Variants in NLRC5 observed in about 807,000 individuals in gnomAD.
The protein encoded by NLRC5 is protein NLRC5.
NLRC5 carries 114 observed loss-of-function variants against 206.9 expected under a neutral mutation model. The observed-to-expected ratio is 0.55, with a 90% CI of 0.47 to 0.64. The LOEUF is 0.64. Ranked by LOEUF, NLRC5 falls within the 30% of genes least tolerant of loss-of-function variation. The probability of loss-of-function intolerance (pLI) is 0.00; values close to 1 mark genes in which losing one functional copy is unlikely to be tolerated. For missense variants in NLRC5, 2,008 were observed against 2,305.5 expected (o/e 0.87, Z 2.64); for synonymous variants, 952 against 962.8 (o/e 0.99, Z 0.21).
intron 16 of NLRC5, among the ~76,000 whole-genome samples, chr16:57,040,350 C>A (rs868503327): frequency 6.6e-6 from 1 of 152,224 alleles, no homozygotes; most frequent in South Asian, 2.1e-4. Context: ...GGGCTGACAT[C>A]TCTGAAGCAC....
chr16:57,037,423 G>A (rs1651670), intron 15 of NLRC5, 139 bp downstream of exon 15: 539,153 of 726,442 alleles, frequency 0.74, 205,113 homozygotes, highest in Middle Eastern at 0.82. Flanking sequence ...CGTTACAGCC[G>A]GCACCCCTCT....
intron 1 of NLRC5, among the ~76,000 whole-genome samples, chr16:57,010,094 G>A (rs2059335726): frequency 6.6e-6 from 1 of 152,208 alleles, no homozygotes; most frequent in African/African-American, 2.4e-5. Flanking sequence ...GCCCCTAACT[G>A]AAGTGGGGAA....
intron 46 of NLRC5, 51 bp from the exon 47 acceptor site, chr16:57,081,047 C>T (rs1222745185): frequency 6.6e-7 from 1 of 1,504,608 alleles, no homozygotes; most frequent in African/African-American, 1.4e-5. Context: ...TGTCTCCACC[C>T]CTCGACCTCC....
At chr16:56,994,334 C>A (rs1193059009) in intron 1 of NLRC5, among the ~76,000 whole-genome samples, 1 of 152,126 alleles carries the variant, frequency 6.6e-6, no homozygotes, top group African/African-American at 2.4e-5. Context: ...CCCTCTGCTC[C>A]GTGTGAGGCA....
chr16:57,026,659 C>A lies in NLRC5; in HGVS notation c.1716C>A (p.Thr572=), dbSNP rs758881156. Residue 572 remains threonine, a synonymous_variant, in exon 6 of 49, where the codon ACC becomes ACA. Transcript: ENST00000688547. ...PTFLAGLASC[T]CRPFLSHLAQ... Reference sequence around the variant, plus strand: ...TCCTGGCGGGCCTGGCATCCTGCACCTGCCGCCCCTTCCTTAGCCACCTGG... The same window carrying A: ...TCCTGGCGGGCCTGGCATCCTGCACATGCCGCCCCTTCCTTAGCCACCTGG... The A allele has an allele frequency of 1.9e-6, 3 of 1,614,192 alleles. No homozygotes were observed. The highest frequency in any genetic ancestry group is 2.5e-6 in the Non-Finnish European group (3 of 1,180,022).
chr16:57,061,436 T>C lies in NLRC5; in HGVS notation c.3987-12T>C. On this transcript the variant is annotated splice_polypyrimidine_tract_variant and intron_variant, in intron 30 of 48. Coordinates refer to ENST00000688547, the MANE Select transcript of NLRC5 (RefSeq NM_001384950.1). The stretch of plus-strand genomic sequence containing the variant: ...GCCTCACCCAGGCTCTGCCCTGGCT[T>C]TCTGCCCTCAGGCTAAGTGAGTGCA... 1.9e-6 allele frequency: 3 copies of C among 1,609,952 alleles called. No homozygotes were observed. The highest frequency in any genetic ancestry group is 2.5e-6 in the Non-Finnish European group (3 of 1,179,458).
intron 1 of NLRC5, among the ~76,000 whole-genome samples, chr16:57,014,641 G>A (rs373611655): frequency 6.6e-6 from 1 of 152,236 alleles, no homozygotes. Flanking sequence ...TTATCTGCCT[G>A]TTAACTTAGA....
intron 27 of NLRC5, among the ~76,000 whole-genome samples, chr16:57,055,868 G>C (rs2065596579): frequency 6.6e-6 from 1 of 152,208 alleles, no homozygotes; most frequent in African/African-American, 2.4e-5. Flanking sequence ...TCTGCCTGAG[G>C]AGGGACGCAG....
chr16:57,044,730 AC>A (rs1406110039), intron 20 of NLRC5, among the ~76,000 whole-genome samples: 4 of 150,280 alleles, frequency 2.7e-5, no homozygotes, highest in Non-Finnish European at 4.4e-5. Context: ...ACCAGCCTGG[AC>A]AACATGGTGA....
chr16:57,026,655 G>T lies in NLRC5; in HGVS notation c.1712G>T (p.Cys571Phe). The change falls in exon 6 of 49, where the codon TGC becomes TTC. Residue 571 changes from cysteine to phenylalanine, a missense_variant. Cys to Phe is a radical substitution (Grantham distance 205, BLOSUM62 -2). Transcript: ENST00000688547. ...ACCTTCCTGGCGGGCCTGGCATCCT[G>T]CACCTGCCGCCCCTTCCTTAGCCAC... is the stretch of plus-strand genomic sequence containing the variant. ...LPTFLAGLAS[C>F]TCRPFLSHLA... The T allele has an allele frequency of 6.2e-7, 1 of 1,614,154 alleles. No homozygotes were observed. Among genetic ancestry groups the T allele is most frequent in the Non-Finnish European group, 8.5e-7 (1 of 1,180,016 alleles).
chr16:57,045,477 G>A lies in NLRC5; in HGVS notation c.3233G>A (p.Gly1078Glu), dbSNP rs1015009869. Residue 1078 changes from glycine (G) to glutamate (E), a missense_variant, in exon 21 of 49, where the codon GGG (glycine) becomes GAG (glutamate). Coordinates refer to ENST00000688547, the MANE Select transcript of NLRC5 (RefSeq NM_001384950.1). The stretch of plus-strand genomic sequence containing the variant: ...GAAAGCCAACACATCCTCCTGAGAG[G>A]GGACAAGACAAGCAGGTGAGGAGGG... ...SFESQHILLR[G>E]DKTSRDMWAT... is the part of the protein sequence containing the mutation. 2.5e-6 allele frequency: 4 copies of A among 1,613,990 alleles called. No individual in the cohort carries two copies. The African/African-American group carries it at 5.3e-5, about 22-fold the overall frequency.
chr16:57,075,512 G>A (rs574271949), intron 39 of NLRC5, among the ~76,000 whole-genome samples: 85 of 152,250 alleles, frequency 5.6e-4, no homozygotes, highest in Middle Eastern at 3.4e-3. Flanking sequence ...GAGCCACCAC[G>A]CCTGGCTTCA....
rs2060590090 is a variant in NLRC5, at chr16:57,020,757, C to T, written c.45C>T (p.Ser15=). ...GLQLGNKNLW[S]CLVRLLTKDP... ...AGCTCGGCAACAAGAACCTGTGGAG[C>T]TGTCTTGTGAGGCTGCTCACCAAAG... The change falls in exon 3 of 49, where the codon AGC becomes AGT. Residue 15 remains serine, a synonymous_variant. Coordinates refer to ENST00000688547, the MANE Select transcript of NLRC5 (RefSeq NM_001384950.1). 6.2e-7 allele frequency: 1 copy of T among 1,612,532 alleles called. No individual in the cohort carries two copies. Among genetic ancestry groups the T allele is most frequent in the African/African-American group, 1.3e-5 (1 of 74,306 alleles).
intron 25 of NLRC5, 71 bp from the exon 26 acceptor site, chr16:57,054,961 G>C: frequency 1.3e-6 from 2 of 1,598,594 alleles, no homozygotes; most frequent in South Asian, 1.1e-5. Flanking sequence ...TCCGGAGGAG[G>C]GGTGCTGGCC....
At chr16:57,081,308 G>C in intron 47 of NLRC5, 127 bp downstream of exon 47, 2 of 1,018,476 alleles carry the variant, frequency 2.0e-6, no homozygotes, top group Non-Finnish European at 1.4e-6. Flanking sequence ...ACTCTGGCCT[G>C]TTCCAAGCCC....
rs199476021 is a variant in NLRC5 at position 57,081,321 on chromosome 16, G to A, written c.5405+140G>A. ...ACACTCTGGCCTGTTCCAAGCCCCT[G>A]CCAGGCTTAGTTCCCCCTGGGTTCT... On this transcript the variant is annotated intron_variant, in intron 47 of 48. Coordinates refer to ENST00000688547, the MANE Select transcript of NLRC5 (RefSeq NM_001384950.1). The A allele has an allele frequency of 3.0e-5, 28 of 945,896 alleles. No individual in the cohort carries two copies. The highest frequency in any genetic ancestry group is 5.1e-4 in the Middle Eastern group (2 of 3,888). 58.6% of individuals were successfully genotyped at this position (945,896 alleles called of 1,614,324 possible).
chr16:57,041,418 G>C, intron 17 of NLRC5, 67 bp from the exon 18 acceptor site: 1 of 1,351,830 alleles, frequency 7.4e-7, no homozygotes, highest in Non-Finnish European at 1.1e-6. Context: ...TCTGGGGGGT[G>C]GGAAAGCGGC....
intron 23 of NLRC5, among the ~76,000 whole-genome samples, chr16:57,050,856 C>G (rs1567604932): frequency 1.3e-5 from 2 of 152,002 alleles, no homozygotes; most frequent in Non-Finnish European, 1.5e-5. Flanking sequence ...GTTTTCTTTT[C>G]TTTTTTATTT....
intron 1 of NLRC5, among the ~76,000 whole-genome samples, chr16:57,000,834 G>C (rs1458840505): frequency 6.6e-6 from 1 of 152,132 alleles, no homozygotes; most frequent in East Asian, 1.9e-4. Flanking sequence ...ATTCCTGAAG[G>C]CACCTCCCAA....
Sources: gnomAD v4.1 joint callset for allele counts (sites outside exome capture counted in the v4.1 genomes callset) on GRCh38, gnomAD v4.1.1 for gene constraint, MANE v1.5 for transcripts, NCBI Gene and HGNC (gene_info 2026-07-23, HGNC 2026-07-21) for gene names.